ZNF461: variants seen among roughly 807,000 people sequenced by gnomAD.
ZNF461 encodes the protein zinc finger protein 461.
A neutral mutation model predicts 18.3 loss-of-function variants in ZNF461; 16 were observed. That is an observed-to-expected ratio of 0.88 (90% CI 0.59 to 1.33). The LOEUF (loss-of-function observed/expected upper bound fraction) is 1.33. Ranked by LOEUF, ZNF461 falls within the 40% of genes most tolerant of loss-of-function variation. The probability of loss-of-function intolerance (pLI) is 0.00; values close to 1 mark genes in which losing one functional copy is unlikely to be tolerated. For synonymous variants in ZNF461, 179 were observed against 216.9 expected (o/e 0.83, Z 1.54); for missense variants, 595 against 669.9 (o/e 0.89, Z 1.23).
chr19:36,654,558 G>A (rs2037684093), intron 4 of ZNF461, among the ~76,000 whole-genome samples: 1 of 151,814 alleles, frequency 6.6e-6, no homozygotes, highest in African/African-American at 2.4e-5. Flanking sequence ...TTTTGGTACA[G>A]ACAGGGTCTC....
rs543645410 is a variant in ZNF461 at position 36,658,048 on chromosome 19, A to G, written c.136+251T>C. The G allele has an allele frequency of 1.2e-4, 56 of 451,340 alleles. No individual in the cohort carries two copies. In the East Asian group the frequency reaches 1.9e-3, roughly 15 times the overall value. 28.0% of individuals were successfully genotyped at this position (451,340 alleles called of 1,614,324 possible). A position where few individuals can be genotyped will look rare whatever the true frequency, so the allele number is the denominator to read the frequency against. ...TATGCTTTAACATTGCAGATTTCCA[A>G]TTCTGCCCCTTAAACATCAAGGAGG... On this transcript the variant is annotated intron_variant, in intron 3 of 5. Transcript: ENST00000588268.
In ZNF461 at chr19:36,659,608, C is replaced by G. The variant is rs148474782; in HGVS notation, c.10-1183G>C. 1.2e-3 allele frequency among the ~76,000 whole-genome samples: 186 copies of G among 152,282 alleles called. 1 individual carries two copies. The highest frequency in any genetic ancestry group is 1.2e-3 in the Non-Finnish European group (83 of 68,024). On this transcript the variant is annotated intron_variant, in intron 2 of 5. Transcript: ENST00000588268. Reference sequence around the variant, plus strand: ...TTACAACAAGAGATTTAATAATTCTCTTAAACTTGAATCTCTGGAGTGAAC... The same window carrying G: ...TTACAACAAGAGATTTAATAATTCTGTTAAACTTGAATCTCTGGAGTGAAC...
At chr19:36,649,482 A>G (rs1031591324) in intron 4 of ZNF461, among the ~76,000 whole-genome samples, 6 of 152,014 alleles carry the variant, frequency 3.9e-5, no homozygotes, top group Admixed American at 3.9e-4. Flanking sequence ...AGGCTGGGCC[A>G]TTGTGCCCAG....
At chr19:36,652,484 G>C (rs914003928) in intron 4 of ZNF461, among the ~76,000 whole-genome samples, 1 of 139,042 alleles carries the variant, frequency 7.2e-6, no homozygotes, top group African/African-American at 2.7e-5. Flanking sequence ...CTGGGTGACA[G>C]AGCAAGACTC....
chr19:36,646,102 G>A (rs10406014), intron 4 of ZNF461, among the ~76,000 whole-genome samples: 45,387 of 128,304 alleles, frequency 0.35, 6,840 homozygotes, highest in African/African-American at 0.4. Flanking sequence ...CTATTTTGTT[G>A]TTGTTGTTGT....
chr19:36,654,371 T>A (rs956736766), intron 4 of ZNF461, among the ~76,000 whole-genome samples: 1 of 152,150 alleles, frequency 6.6e-6, no homozygotes, highest in East Asian at 1.9e-4. Context: ...TAGCACTTGA[T>A]TGATTGATTG....
intron 4 of ZNF461, among the ~76,000 whole-genome samples, chr19:36,655,372 G>A (rs1369171277): frequency 6.6e-6 from 1 of 152,190 alleles, no homozygotes; most frequent in Non-Finnish European, 1.5e-5. Context: ...CAGAGGCTGA[G>A]GTGGGAGGAT....
chr19:36,640,440 T>G (rs1487607252), intron 5 of ZNF461, among the ~76,000 whole-genome samples: 1 of 152,220 alleles, frequency 6.6e-6, no homozygotes, highest in Non-Finnish European at 1.5e-5. Context: ...AAATATCTAT[T>G]TTTTTCCCTT....
At chr19:36,646,028 C>T (rs1393536820) in intron 4 of ZNF461, among the ~76,000 whole-genome samples, 1 of 151,992 alleles carries the variant, frequency 6.6e-6, no homozygotes, top group Non-Finnish European at 1.5e-5. Context: ...CATGATCCAC[C>T]CGCCTCAGCC....
chr19:36,660,419 G>C (rs1304594681), intron 2 of ZNF461, among the ~76,000 whole-genome samples: 2 of 151,694 alleles, frequency 1.3e-5, no homozygotes, highest in African/African-American at 4.8e-5. Flanking sequence ...CAAAGTGCTG[G>C]GATTACAGGC....
chr19:36,639,724 A>G lies in ZNF461; in HGVS notation c.621T>C (p.Phe207=). 1.2e-6 allele frequency: 2 copies of G among 1,613,348 alleles called. No individual in the cohort carries two copies. ...CRKIFSYHLF[F]SHHKRTHSKE... ...TAGAATGAGTTCTTTTGTGGTGACT[A>G]AAAAATAAATGGTAACTGAAGATTT... is the stretch of plus-strand genomic sequence containing the variant. Residue 207 remains phenylalanine (F), a synonymous_variant, in exon 6 of 6, where the codon TTT becomes TTC. Transcript: ENST00000588268.
chr19:36,643,916 C>A, intron 4 of ZNF461, 54 bp from the exon 5 acceptor site: 2 of 1,299,764 alleles, frequency 1.5e-6, no homozygotes, highest in Non-Finnish European at 1.0e-6. Context: ...TTTTATTATA[C>A]AATAAAAAGA....
intron 2 of ZNF461, among the ~76,000 whole-genome samples, chr19:36,662,749 A>G (rs3108545): frequency 0.67 from 102,214 of 152,012 alleles, 34,698 homozygotes; most frequent in East Asian, 0.82. Flanking sequence ...GTATTTCACT[A>G]TATTCAGGCA....
rs1381075482 is a variant in ZNF461 at position 36,639,204 on chromosome 19, C to T, written c.1141G>A (p.Gly381Ser). The change falls in exon 6 of 6, where the codon GGT becomes AGT. Residue 381 changes from glycine to serine, a missense_variant. By Grantham distance (56) the Gly-to-Ser change is moderately conservative. Coordinates refer to ENST00000588268, the MANE Select transcript of ZNF461 (RefSeq NM_153257.5). Reference protein sequence around the residue: ...HLTIHQRIHTGEKPYECRECG... With the variant: ...HLTIHQRIHTSEKPYECRECG... ...TCCCGACATTCATAGGGTTTCTCACCAGTATGAATTCTCTGATGTATAGTA... is the reference window on the plus strand; with the variant it reads ...TCCCGACATTCATAGGGTTTCTCACTAGTATGAATTCTCTGATGTATAGTA... 1.2e-6 allele frequency: 2 copies of T among 1,614,110 alleles called. No homozygotes were observed. The highest frequency in any genetic ancestry group is 4.5e-5 in the East Asian group (2 of 44,866).
At chr19:36,648,227 T>C (rs2037563003) in intron 4 of ZNF461, among the ~76,000 whole-genome samples, 1 of 151,534 alleles carries the variant, frequency 6.6e-6, no homozygotes, top group Non-Finnish European at 1.5e-5. Flanking sequence ...CCCCACTCTC[T>C]CTCTTGCTCC....
At chr19:36,660,719 CAAA>C (rs2037804267) in intron 2 of ZNF461, among the ~76,000 whole-genome samples, 1 of 133,894 alleles carries the variant, frequency 7.5e-6, no homozygotes, top group Non-Finnish European at 1.6e-5. Flanking sequence ...AAAAGACAAA[CAAA>C]AGCTGAAAGA....
chr19:36,659,644 C>T (rs757352553), intron 2 of ZNF461, among the ~76,000 whole-genome samples: 16 of 152,130 alleles, frequency 1.1e-4, no homozygotes, highest in East Asian at 3.9e-4. Flanking sequence ...AAAATCTCTA[C>T]GGTATTTTCT....
Position 36,643,780 on chromosome 19 carries a change from G to GTATT in ZNF461, c.301+10_301+13dup. The GTATT allele has an allele frequency of 1.3e-6, 2 of 1,516,724 alleles. No homozygotes were observed. The highest frequency in any genetic ancestry group is 2.5e-5 in the East Asian group (1 of 39,548). The allele number at this position is 1,516,724 out of a possible 1,614,324, so 94.0% of individuals were successfully genotyped here. A position where few individuals can be genotyped will look rare whatever the true frequency, so the allele number is the denominator to read the frequency against. The stretch of plus-strand genomic sequence containing the variant: ...TACTTCTACTGTACTCTTAAAAACT[G>GTATT]TATTTATTTATACCTGCATTTATGT... On this transcript the variant is annotated intron_variant, in intron 5 of 5. Coordinates refer to ENST00000588268, the MANE Select transcript of ZNF461 (RefSeq NM_153257.5).
intron 5 of ZNF461, among the ~76,000 whole-genome samples, chr19:36,642,713 C>T (rs1410169803): frequency 4.0e-4 from 52 of 129,062 alleles, no homozygotes; most frequent in African/African-American, 1.5e-3. Context: ...TGAGGACTGT[C>T]ACAGAAGCAC....
Sources: gnomAD v4.1 joint callset for allele counts (sites outside exome capture counted in the v4.1 genomes callset) on GRCh38, gnomAD v4.1.1 for gene constraint, MANE v1.5 for transcripts, NCBI Gene and HGNC (gene_info 2026-07-23, HGNC 2026-07-21) for gene names.